The following TMEM132D variants were observed in gnomAD, a reference collection of about 807,000 sequenced individuals.
TMEM132D encodes the protein mature OL transmembrane protein.
A neutral mutation model predicts 62.3 loss-of-function variants in TMEM132D; 21 were observed. That is an observed-to-expected ratio of 0.34 (90% CI 0.24 to 0.49). The LOEUF is 0.49. Among genes scored for constraint, TMEM132D ranks in the 20% least tolerant of loss-of-function variants. The pLI is 0.99. For synonymous variants in TMEM132D, 621 were observed against 575.6 expected (o/e 1.08, Z -1.13); for missense variants, 1,346 against 1,402.8 (o/e 0.96, Z 0.65).
At chr12:129,411,509 T>A (rs975747333) in intron 3 of TMEM132D, among the ~76,000 whole-genome samples, 3 of 152,074 alleles carry the variant, frequency 2.0e-5, no homozygotes, top group African/African-American at 7.2e-5. Context: ...GCTGGGACCA[T>A]GCCCAGCTAA....
intron 1 of TMEM132D, among the ~76,000 whole-genome samples, chr12:129,796,765 A>T (rs774624125): frequency 3.3e-5 from 5 of 152,116 alleles, no homozygotes; most frequent in African/African-American, 1.2e-4. Context: ...GCATTAGGAG[A>T]AATACCTGAT....
At chr12:129,250,012 C>T (rs543303037) in intron 4 of TMEM132D, among the ~76,000 whole-genome samples, 3 of 152,220 alleles carry the variant, frequency 2.0e-5, no homozygotes, top group South Asian at 2.1e-4. Context: ...GGGCGTACCC[C>T]GCTGAGACCT....
At chr12:129,136,343 G>A (rs992812514) in intron 5 of TMEM132D, among the ~76,000 whole-genome samples, 9 of 152,112 alleles carry the variant, frequency 5.9e-5, no homozygotes, top group African/African-American at 2.2e-4. Flanking sequence ...ACGTGTCAGA[G>A]CTCCTTATTC....
intron 2 of TMEM132D, among the ~76,000 whole-genome samples, chr12:129,690,244 G>C (rs1279078488): frequency 6.6e-6 from 1 of 152,004 alleles, no homozygotes; most frequent in Non-Finnish European, 1.5e-5. Flanking sequence ...GATAGCAAAT[G>C]TAATCACATA....
At chr12:129,147,272 GTA>G (rs1244219622) in intron 5 of TMEM132D, among the ~76,000 whole-genome samples, 8 of 148,990 alleles carry the variant, frequency 5.4e-5, no homozygotes, top group Non-Finnish European at 8.9e-5. Flanking sequence ...ATGTGCATAT[GTA>G]TATATATACA....
chr12:129,690,438 TATG>T (rs1180530732), intron 2 of TMEM132D, among the ~76,000 whole-genome samples: 2 of 152,158 alleles, frequency 1.3e-5, no homozygotes, highest in Admixed American at 6.5e-5. Context: ...GATTTGCCTA[TATG>T]ATATTTACCA....
At chr12:129,389,067 A>G (rs1329141822) in intron 3 of TMEM132D, among the ~76,000 whole-genome samples, 1 of 116,136 alleles carries the variant, frequency 8.6e-6, no homozygotes, top group African/African-American at 3.0e-5. Flanking sequence ...ATCCTAATAT[A>G]AACACTAACA....
Position 129,903,563 on chromosome 12 carries a change from C to A in TMEM132D, c.-224G>T, listed in dbSNP as rs1003235692. 8.8e-6 allele frequency: 5 copies of A among 566,876 alleles called. No individual in the cohort carries two copies. In the Admixed American group the frequency reaches 9.2e-5, roughly 10 times the overall value. 35.1% of individuals were successfully genotyped at this position (566,876 alleles called of 1,614,324 possible). The stretch of plus-strand genomic sequence containing the variant: ...GAGTTGCTCTCCGGAGTCCAACACG[C>A]GCGCAGGCAAACCCCACCTCCCTCC... On this transcript the variant is annotated 5_prime_UTR_variant, in exon 1 of 9. Coordinates refer to ENST00000422113, the MANE Select transcript of TMEM132D (RefSeq NM_133448.3). This position sits in a 1 kb window ranked among gnomAD's most constrained non-coding sequence, Gnocchi z 6.2.
At chr12:129,097,867 A>G (rs1051910253) in intron 5 of TMEM132D, among the ~76,000 whole-genome samples, 1 of 152,258 alleles carries the variant, frequency 6.6e-6, no homozygotes, top group African/African-American at 2.4e-5. Flanking sequence ...TCAAGCTGAA[A>G]GCTTGTATTC....
intron 2 of TMEM132D, among the ~76,000 whole-genome samples, chr12:129,635,886 A>G (rs1447460129): frequency 6.6e-6 from 1 of 152,220 alleles, no homozygotes; most frequent in African/African-American, 2.4e-5. Flanking sequence ...TAATCGATAC[A>G]TGTAGGGTAT....
intron 2 of TMEM132D, among the ~76,000 whole-genome samples, chr12:129,559,845 G>C (rs550381980): frequency 6.6e-6 from 1 of 152,056 alleles, no homozygotes; most frequent in Non-Finnish European, 1.5e-5. Context: ...GCTTTCTGTC[G>C]TGTGAATCTA....
chr12:129,282,557 C>A (rs1429181287), intron 4 of TMEM132D, among the ~76,000 whole-genome samples: 1 of 152,106 alleles, frequency 6.6e-6, no homozygotes, highest in East Asian at 1.9e-4. Context: ...GATTTGGCAA[C>A]CCTCTCCTGA....
rs568788248 is a variant in TMEM132D, at chr12:129,363,449, A to G, written c.1116-25632T>C. Among the ~76,000 whole-genome samples, 5 of 152,374 alleles carry G rather than the reference A, an allele frequency of 3.3e-5. No individual in the cohort carries two copies. In the East Asian group the frequency reaches 9.6e-4, roughly 29 times the overall value. On this transcript the variant is annotated intron_variant, in intron 3 of 8. Coordinates refer to ENST00000422113, the MANE Select transcript of TMEM132D (RefSeq NM_133448.3). ...TTTACATTCATTTGAAAATGCAAAC[A>G]GGATTATTAATTGATAGTGATGATC...
At chr12:129,244,385 C>CAAAAAAAAAAAAAAAA (rs751155633) in intron 4 of TMEM132D, among the ~76,000 whole-genome samples, 5 of 85,218 alleles carry the variant, frequency 5.9e-5, no homozygotes, top group East Asian at 4.4e-4. Flanking sequence ...GACTCTGTCT[C>CAAAAAAAAAAAAAAAA]AAAAAAAAAA....
intron 3 of TMEM132D, among the ~76,000 whole-genome samples, chr12:129,463,386 A>G (rs1484382538): frequency 2.0e-5 from 3 of 151,850 alleles, no homozygotes; most frequent in African/African-American, 4.8e-5. Flanking sequence ...AGCTTTCCAT[A>G]TGGCAAAAAA....
At chr12:129,627,645 T>TA (rs1879257044) in intron 2 of TMEM132D, among the ~76,000 whole-genome samples, 1 of 152,032 alleles carries the variant, frequency 6.6e-6, no homozygotes, top group African/African-American at 2.4e-5. Flanking sequence ...TATATACACT[T>TA]ACTATGTTAC....
chr12:129,281,243 T>G (rs1439385476), intron 4 of TMEM132D, among the ~76,000 whole-genome samples: 1 of 152,128 alleles, frequency 6.6e-6, no homozygotes, highest in African/African-American at 2.4e-5. Context: ...CCCCATACTG[T>G]CCTGATCCCT....
chr12:129,505,080 T>C (rs541537441), intron 3 of TMEM132D, among the ~76,000 whole-genome samples: 3 of 152,294 alleles, frequency 2.0e-5, no homozygotes, highest in South Asian at 4.1e-4. Flanking sequence ...GAGAGAGTGA[T>C]TGATATAATT....
At chr12:129,370,825 G>T (rs549356476) in intron 3 of TMEM132D, among the ~76,000 whole-genome samples, 1 of 152,198 alleles carries the variant, frequency 6.6e-6, no homozygotes, top group African/African-American at 2.4e-5. Flanking sequence ...AGCAGACATA[G>T]TGTCTCTCAT....
Sources: allele counts gnomAD v4.1 joint callset (sites outside exome capture counted in the v4.1 genomes callset), GRCh38; gene constraint gnomAD v4.1.1; non-coding constraint Gnocchi (gnomAD v3.1); transcripts MANE v1.5; gene names NCBI Gene and HGNC (gene_info 2026-07-23, HGNC 2026-07-21).